The following TLR1 variants were observed in gnomAD, a reference collection of about 807,000 sequenced individuals.
TLR1 encodes the protein toll like receptor 1, also known as toll-like receptor 1.
Under a neutral mutation model 20.2 loss-of-function variants are expected in TLR1, and 19 were observed. That is an observed-to-expected ratio of 0.94 (90% confidence interval 0.66 to 1.38). The LOEUF (loss-of-function observed/expected upper bound fraction) is 1.38. Among genes scored for constraint, TLR1 ranks in the 40% most tolerant of loss-of-function variants. The pLI is 0.00. For synonymous variants in TLR1, 320 were observed against 334.5 expected, an observed-to-expected ratio of 0.96 and a Z score of 0.47; for missense variants, 921 against 910.0, an observed-to-expected ratio of 1.01 and a Z score of -0.16.
downstream of TLR1, chr4:38,794,534 T>C (rs1422962530): frequency 6.6e-6 from 1 of 152,138 alleles, no homozygotes; most frequent in Non-Finnish European, 1.5e-5. Context: ...TGGGTATACC[T>C]GCCTTTGCTC....
chr4:38,803,501 C>T (rs1726817227), intron 2 of TLR1, among the ~76,000 whole-genome samples: 1 of 152,354 alleles, frequency 6.6e-6, no homozygotes, highest in Admixed American at 6.5e-5. Flanking sequence ...ATTTGCCTAA[C>T]CTCCATCTTG....
downstream of TLR1, among the ~76,000 whole-genome samples, chr4:38,792,556 C>A (rs1461286210): frequency 6.6e-6 from 1 of 152,046 alleles, no homozygotes; most frequent in Admixed American, 6.5e-5. Flanking sequence ...GCTGGGATTA[C>A]AGAAACTGTG....
chr4:38,794,231 A>G (rs1024057910), downstream of TLR1, among the ~76,000 whole-genome samples: 4 of 152,262 alleles, frequency 2.6e-5, no homozygotes, highest in African/African-American at 9.6e-5. Context: ...AAGTGCAATC[A>G]TCCTAGAGAA....
At chr4:38,790,374 T>C (rs1725687534), downstream of TLR1, among the ~76,000 whole-genome samples, 6 of 152,356 alleles carry the variant, frequency 3.9e-5, 1 homozygote, top group South Asian at 1.2e-3. Context: ...TTGCAAATGA[T>C]TTTTCTATAC....
Position 38,796,485 on chromosome 4 carries a change from G to T in TLR1, c.2347C>A (p.Gln783Lys). The T allele has an allele frequency of 6.2e-7, 1 of 1,605,890 alleles. No individual in the cohort carries two copies. Among genetic ancestry groups the T allele is most frequent in the Non-Finnish European group, 8.5e-7 (1 of 1,173,258 alleles). Residue 783 changes from glutamine to lysine, a missense_variant, in exon 4 of 4, where the codon CAA (glutamine) becomes AAA (lysine). By Grantham distance (53) the Gln-to-Lys change is moderately conservative (BLOSUM62 1). Coordinates refer to ENST00000308979, the MANE Select transcript of TLR1 (RefSeq NM_003263.4). Reference protein sequence around the residue: ...RAAINIKLTEQAKK With the variant: ...RAAINIKLTEKAKK ...TGATGTGTAATCTATTTCTTTGCTT[G>T]CTCTGTCAGCTTAATATTAATGGCT... is the stretch of plus-strand genomic sequence containing the variant.
rs779988266 is a variant in TLR1 at position 38,798,578 on chromosome 4, T to C, written c.254A>G (p.Asp85Gly). 20 of 1,614,020 alleles carry C rather than the reference T, an allele frequency of 1.2e-5. No homozygotes were observed. The highest frequency in any genetic ancestry group is 1.6e-5 in the Non-Finnish European group (19 of 1,180,022). ...IISHNRIQYL[D>G]ISVFKFNQEL... ...CTGGTTGAATTTGAAAACACTGATA[T>C]CAAGATACTGGATTCTATTATGAGA... is the stretch of plus-strand genomic sequence containing the variant. The change falls in exon 4 of 4, where the codon GAT becomes GGT. Residue 85 changes from aspartate to glycine, a missense_variant. Asp to Gly is a moderately conservative substitution (Grantham distance 94, BLOSUM62 -1). Transcript: ENST00000308979.
At chr4:38,795,089 G>A (rs1378710240), downstream of TLR1, among the ~76,000 whole-genome samples, 8 of 152,124 alleles carry the variant, frequency 5.3e-5, no homozygotes, top group African/African-American at 1.9e-4. Flanking sequence ...TGCCACTAGG[G>A]ATTGTCTGAG....
chr4:38,795,726 A>G (rs578109385), downstream of TLR1, among the ~76,000 whole-genome samples: 7 of 152,354 alleles, frequency 4.6e-5, no homozygotes, highest in South Asian at 1.4e-3. Context: ...TGGAGGAATA[A>G]GTAAGTGAGA....
downstream of TLR1, among the ~76,000 whole-genome samples, chr4:38,792,979 A>G (rs1160790481): frequency 6.6e-6 from 1 of 151,760 alleles, no homozygotes; most frequent in East Asian, 1.9e-4. Context: ...GTTAGTCTCA[A>G]TTTTGGTGGA....
chr4:38,789,031 G>T (rs188139605), downstream of TLR1, among the ~76,000 whole-genome samples: 6 of 152,120 alleles, frequency 3.9e-5, no homozygotes, highest in East Asian at 9.6e-4. Context: ...AATAAATAAA[G>T]CTATATTTAA....
At chr4:38,789,007 A>AAAATAAAT (rs547433444), downstream of TLR1, among the ~76,000 whole-genome samples, 5 of 152,318 alleles carry the variant, frequency 3.3e-5, no homozygotes, top group African/African-American at 9.6e-5. Context: ...CTCTATCTCT[A>AAAATAAAT]AAATAAATAA....
intron 2 of TLR1, 77 bp downstream of exon 2, chr4:38,804,229 C>G (rs993823212): frequency 2.6e-5 from 4 of 152,194 alleles, no homozygotes; most frequent in Non-Finnish European, 5.9e-5. Context: ...GTCTAGCTCC[C>G]CAGAACAGTG....
chr4:38,801,841 G>T (rs1427070698), intron 2 of TLR1, among the ~76,000 whole-genome samples: 1 of 152,230 alleles, frequency 6.6e-6, no homozygotes, highest in African/African-American at 2.4e-5. Context: ...AGCAGGACAG[G>T]AGAGGGGCCC....
chr4:38,800,371 A>C (rs1726553116), intron 3 of TLR1: 1 of 152,170 alleles, frequency 6.6e-6, no homozygotes, highest in African/African-American at 2.4e-5. Context: ...GGAGGTTTTG[A>C]GAAAGGGAGT....
At chr4:38,788,681 T>G (rs1725654867), downstream of TLR1, among the ~76,000 whole-genome samples, 1 of 152,192 alleles carries the variant, frequency 6.6e-6, no homozygotes, top group African/African-American at 2.4e-5. Context: ...TAATCATTAT[T>G]AAAAATGAAA....
intron 3 of TLR1, among the ~76,000 whole-genome samples, chr4:38,799,513 G>A (rs1366674760): frequency 1.3e-5 from 2 of 152,198 alleles, no homozygotes; most frequent in East Asian, 1.9e-4. Context: ...AGAACGTTGA[G>A]GGCAAAGCCA....
At chr4:38,792,853 T>TTTTATATATATATATATA (rs150259151), downstream of TLR1, among the ~76,000 whole-genome samples, 247 of 122,236 alleles carry the variant, frequency 2.0e-3, 7 homozygotes, top group African/African-American at 7.1e-3. Context: ...TATTTTCAAA[T>TTTTATATATATATATATA]TATATATATA....
At chr4:38,800,733 C>G (rs1281848299) in intron 3 of TLR1, 124 bp downstream of exon 3, 18 of 152,640 alleles carry the variant, frequency 1.2e-4, no homozygotes, top group Admixed American at 1.1e-3. Context: ...CATATCCCCT[C>G]CCATATCTCA....
chr4:38,805,195 T>A (rs1726941835), upstream of TLR1: 1 of 152,182 alleles, frequency 6.6e-6, no homozygotes, highest in Non-Finnish European at 1.5e-5. Flanking sequence ...ATCCATCCAC[T>A]ATTAAAAGTG....
Sources: allele counts gnomAD v4.1 joint callset (sites outside exome capture counted in the v4.1 genomes callset), GRCh38; gene constraint gnomAD v4.1.1; transcripts MANE v1.5; gene names NCBI Gene and HGNC (gene_info 2026-07-23, HGNC 2026-07-21).